GXYLT2: variants seen among roughly 807,000 people sequenced by gnomAD.
GXYLT2 encodes the protein glucoside xylosyltransferase 2, also known as glycosyltransferase 8 domain containing 4.
A neutral mutation model predicts 45.8 loss-of-function variants in GXYLT2; 53 were observed. That is an observed-to-expected ratio of 1.16 (90% confidence interval 0.93 to 1.46). The LOEUF is 1.46. Ranked by LOEUF, GXYLT2 falls within the 40% of genes most tolerant of loss-of-function variation. The pLI, the probability that GXYLT2 is intolerant of heterozygous loss-of-function variation, is 0.00. For missense variants in GXYLT2, 551 were observed against 544.4 expected, an observed-to-expected ratio of 1.01 and a Z score of -0.12; for synonymous variants, 219 against 214.2, an observed-to-expected ratio of 1.02 and a Z score of -0.19.
At position 72,922,255 on chromosome 3, in the gene GXYLT2, C is replaced by T. The variant is rs770050400; in HGVS notation, c.520C>T (p.Pro174Ser). The change falls in exon 3 of 7, where the codon CCC (proline) becomes TCC (serine). Residue 174 changes from proline to serine, a missense_variant. By Grantham distance (74) the Pro-to-Ser change is moderately conservative (BLOSUM62 -1). Transcript: ENST00000389617. ...YTKKFEHRIYPITFSVGNPQE... is the reference protein window; with the variant it reads ...YTKKFEHRIYSITFSVGNPQE... ...AAAGAAGTTTGAGCACAGAATCTAC[C>T]CCATCACATTTTCTGTTGGAAACCC... 2 of 1,613,166 alleles carry T rather than the reference C, an allele frequency of 1.2e-6. No homozygotes were observed. Among genetic ancestry groups the T allele is most frequent in the Non-Finnish European group, 1.7e-6 (2 of 1,179,342 alleles).
At chr3:72,956,240 C>G (rs1575812203) in intron 4 of GXYLT2, among the ~76,000 whole-genome samples, 1 of 151,122 alleles carries the variant, frequency 6.6e-6, no homozygotes, top group South Asian at 2.1e-4. Flanking sequence ...GACCCTGTCT[C>G]TAAAAAAAGA....
intron 2 of GXYLT2, 134 bp from the exon 3 acceptor site, chr3:72,922,070 C>T: frequency 5.5e-6 from 4 of 732,048 alleles, no homozygotes; most frequent in Non-Finnish European, 9.2e-6. Flanking sequence ...AGTGAACATT[C>T]ATAGTGGTGA....
In GXYLT2 at chr3:72,929,622, C is replaced by T. The variant is rs1378314980; in HGVS notation, c.600+7287C>T. 5 of 929,904 alleles carry T rather than the reference C, an allele frequency of 5.4e-6. No homozygotes were observed. The East Asian group carries it at 9.6e-5, about 18-fold the overall frequency. 57.6% of individuals were successfully genotyped at this position (929,904 alleles called of 1,614,324 possible). A position where few individuals can be genotyped will look rare whatever the true frequency, so the allele number is the denominator to read the frequency against. ...AGCCTCAGGCTAATTTCCCCATAGCCATGGGGTGACTTCCCTGGTCACCAA... is the reference window on the plus strand; with the variant it reads ...AGCCTCAGGCTAATTTCCCCATAGCTATGGGGTGACTTCCCTGGTCACCAA... On this transcript the variant is annotated intron_variant, in intron 3 of 6. Coordinates refer to ENST00000389617, the MANE Select transcript of GXYLT2 (RefSeq NM_001080393.2).
chr3:72,962,576 G>C (rs933154844), intron 5 of GXYLT2, among the ~76,000 whole-genome samples: 4 of 152,212 alleles, frequency 2.6e-5, no homozygotes, highest in African/African-American at 9.6e-5. Context: ...GGAGGTATAA[G>C]TTGCATTTCA....
At chr3:72,906,214 C>G (rs1420085789) in intron 1 of GXYLT2, among the ~76,000 whole-genome samples, 4 of 152,198 alleles carry the variant, frequency 2.6e-5, no homozygotes, top group South Asian at 2.1e-4. Flanking sequence ...AGGAAGAGAC[C>G]AGGCCTGTGA....
chr3:72,914,544 T>C lies in GXYLT2; in HGVS notation c.468+5985T>C, dbSNP rs565460951. Among the ~76,000 whole-genome samples the C allele has an allele frequency of 4.4e-3, 661 of 150,346 alleles. 4 individuals carry two copies. The highest frequency in any genetic ancestry group is 0.016 in the African/African-American group (620 of 39,980). Reference sequence around the variant, plus strand: ...ACATATATATGTGTGTGTGTGTGTGTGTGCGCGCGCGCGCTTGCGTGCGCA... The same window carrying C: ...ACATATATATGTGTGTGTGTGTGTGCGTGCGCGCGCGCGCTTGCGTGCGCA... On this transcript the variant is annotated intron_variant, in intron 2 of 6. Transcript: ENST00000389617.
intron 2 of GXYLT2, among the ~76,000 whole-genome samples, chr3:72,919,467 G>T (rs974629496): frequency 3.9e-5 from 6 of 152,096 alleles, no homozygotes; most frequent in Admixed American, 3.9e-4. Flanking sequence ...AAAAAGATCA[G>T]TAATGGGCTG....
chr3:72,901,199 G>T (rs1482193215), intron 1 of GXYLT2, among the ~76,000 whole-genome samples: 1 of 151,214 alleles, frequency 6.6e-6, no homozygotes, highest in African/African-American at 2.4e-5. Context: ...TGAGACAGGA[G>T]AATTGCTTGA....
intron 1 of GXYLT2, among the ~76,000 whole-genome samples, chr3:72,896,945 G>T (rs536033062): frequency 6.6e-6 from 1 of 151,988 alleles, no homozygotes; most frequent in Non-Finnish European, 1.5e-5. Context: ...TTGCTGCCCT[G>T]CCTAGCCTGG....
intron 3 of GXYLT2, among the ~76,000 whole-genome samples, chr3:72,924,792 T>C (rs956743247): frequency 2.0e-5 from 3 of 152,042 alleles, no homozygotes; most frequent in African/African-American, 7.2e-5. Context: ...GAACAACTGT[T>C]AAGGTTGATC....
intron 2 of GXYLT2, among the ~76,000 whole-genome samples, chr3:72,917,757 CAA>C (rs756537850): frequency 2.7e-4 from 16 of 60,152 alleles, no homozygotes; most frequent in South Asian, 5.1e-4. Context: ...GGCCCCATCT[CAA>C]AAAAAAAAAA....
chr3:72,922,554 T>C (rs907782948), intron 3 of GXYLT2, among the ~76,000 whole-genome samples: 5 of 152,224 alleles, frequency 3.3e-5, no homozygotes, highest in African/African-American at 9.6e-5. Flanking sequence ...AATCCTGTCT[T>C]GGATCATTGG....
rs944434283 is a variant in GXYLT2, at chr3:72,888,490, G to A, written c.257G>A (p.Arg86Lys). 2.4e-6 allele frequency: 3 copies of A among 1,246,350 alleles called. No individual in the cohort carries two copies. Among genetic ancestry groups the A allele is most frequent in the Admixed American group, 4.0e-5 (1 of 25,180 alleles). 77.2% of individuals were successfully genotyped at this position (1,246,350 alleles called of 1,614,324 possible). A position where few individuals can be genotyped will look rare whatever the true frequency, so the allele number is the denominator to read the frequency against. The change falls in exon 1 of 7, where the codon AGA becomes AAA. Residue 86 changes from arginine to lysine, a missense_variant. By Grantham distance (26) the Arg-to-Lys change is conservative (BLOSUM62 2). Coordinates refer to ENST00000389617, the MANE Select transcript of GXYLT2 (RefSeq NM_001080393.2). The part of the protein sequence containing the change: ...RPRAGRRGAA[R>K]LEKLARRPGE... ...CGAGCGGGCCGCCGGGGCGCTGCGA[G>A]ACTGGAGAAGTTGGCGAGGTGAGTC... is the stretch of plus-strand genomic sequence containing the variant.
Position 72,908,491 on chromosome 3 carries a change from T to C in GXYLT2, c.400T>C (p.Phe134Leu). Residue 134 changes from phenylalanine to leucine, a missense_variant, in exon 2 of 7, where the codon TTT (phenylalanine) becomes CTT (leucine). Phe to Leu is a conservative substitution (Grantham distance 22, BLOSUM62 0). Coordinates refer to ENST00000389617, the MANE Select transcript of GXYLT2 (RefSeq NM_001080393.2). Reference protein sequence around the residue: ...TLVMLKSAVLFSHRKIQFHIF... With the variant: ...TLVMLKSAVLLSHRKIQFHIF... ...GGTCATGCTCAAATCAGCTGTGCTT[T>C]TTAGCCACAGGAAGATCCAATTCCA... The C allele has an allele frequency of 6.2e-7, 1 of 1,613,994 alleles. No individual in the cohort carries two copies. The highest frequency in any genetic ancestry group is 8.5e-7 in the Non-Finnish European group (1 of 1,179,886).
chr3:72,913,783 C>G (rs982053917), intron 2 of GXYLT2, among the ~76,000 whole-genome samples: 4 of 152,134 alleles, frequency 2.6e-5, no homozygotes, highest in African/African-American at 7.2e-5. Flanking sequence ...GATTATGTTG[C>G]CAGTTTAGCT....
intron 5 of GXYLT2, among the ~76,000 whole-genome samples, chr3:72,958,179 A>AG (rs1264393602): frequency 6.6e-6 from 1 of 151,942 alleles, no homozygotes; most frequent in Non-Finnish European, 1.5e-5. Flanking sequence ...AGGCTGAGGC[A>AG]GGAGAATCAC....
At chr3:72,909,730 C>T (rs1346833639) in intron 2 of GXYLT2, among the ~76,000 whole-genome samples, 5 of 152,154 alleles carry the variant, frequency 3.3e-5, no homozygotes, top group East Asian at 1.9e-4. Flanking sequence ...TAGGTACACA[C>T]GTGACCTTTG....
At chr3:72,920,130 T>A (rs974462347) in intron 2 of GXYLT2, among the ~76,000 whole-genome samples, 6 of 151,884 alleles carry the variant, frequency 4.0e-5, no homozygotes, top group African/African-American at 9.7e-5. Flanking sequence ...TTTTTTTATT[T>A]TTTATTTATT....
chr3:72,956,003 G>A (rs760374418), intron 4 of GXYLT2, among the ~76,000 whole-genome samples: 4 of 152,256 alleles, frequency 2.6e-5, no homozygotes, highest in South Asian at 2.1e-4. Context: ...GTGTGAACCC[G>A]AACAGCAGAG....
Sources: allele counts gnomAD v4.1 joint callset (sites outside exome capture counted in the v4.1 genomes callset), GRCh38; gene constraint gnomAD v4.1.1; transcripts MANE v1.5; gene names NCBI Gene and HGNC (gene_info 2026-07-23, HGNC 2026-07-21).